XIRP2: variants seen among roughly 807,000 people sequenced by gnomAD.
The protein encoded by XIRP2 is xin actin-binding repeat-containing protein 2.
XIRP2 carries 236 observed loss-of-function variants against 277.0 expected under a neutral mutation model. The ratio of observed to expected loss-of-function variants is 0.85; its 90% CI spans 0.77 to 0.95. The LOEUF is 0.95. Ranked by LOEUF, XIRP2 falls within the 40% of genes least tolerant of loss-of-function variation. The probability of loss-of-function intolerance (pLI) is 0.00; values close to 1 mark genes in which losing one functional copy is unlikely to be tolerated. For missense variants in XIRP2, 4,640 were observed against 4,157.5 expected (o/e 1.12, Z -3.19); for synonymous variants, 1,490 against 1,416.5 (o/e 1.05, Z -1.17).
At chr2:166,899,264 A>C (rs1026899129) in intron 1 of XIRP2, among the ~76,000 whole-genome samples, 26 of 152,148 alleles carry the variant, frequency 1.7e-4, no homozygotes, top group Non-Finnish European at 7.4e-5. Context: ...GTTTGAATGA[A>C]GTATAGAAAC....
rs568016491 is a variant in XIRP2 at position 167,107,306 on chromosome 2, G to A, written c.409-28603G>A. Among the ~76,000 whole-genome samples the A allele has an allele frequency of 2.6e-5, 4 of 151,574 alleles. No individual in the cohort carries two copies. The South Asian group carries it at 8.3e-4, about 31-fold the overall frequency. ...CACAATCTTAAGGGAAAAGCATTCA[G>A]CCTTCACCAGTAAGCATAATGTTAC... On this transcript the variant is annotated intron_variant, in intron 2 of 10. Coordinates refer to ENST00000409195, the MANE Select transcript of XIRP2 (RefSeq NM_152381.6).
intron 2 of XIRP2, among the ~76,000 whole-genome samples, chr2:167,066,519 G>A (rs964857640): frequency 4.6e-5 from 7 of 152,022 alleles, no homozygotes; most frequent in Admixed American, 1.3e-4. Flanking sequence ...TACACTGCTG[G>A]TGGAAATGAA....
chr2:167,051,351 A>AT (rs1688910792), intron 2 of XIRP2, among the ~76,000 whole-genome samples: 1 of 152,130 alleles, frequency 6.6e-6, no homozygotes, highest in East Asian at 1.9e-4. Context: ...CAGATTATGC[A>AT]TTTTGCATTG....
At chr2:167,012,519 T>C (rs1466922742) in intron 2 of XIRP2, among the ~76,000 whole-genome samples, 2 of 151,784 alleles carry the variant, frequency 1.3e-5, no homozygotes, top group Middle Eastern at 3.4e-3. Context: ...CTGTTAACAT[T>C]ACACTATGTG....
intron 2 of XIRP2, among the ~76,000 whole-genome samples, chr2:166,983,369 T>A (rs1050275257): frequency 6.6e-6 from 1 of 152,166 alleles, no homozygotes; most frequent in African/African-American, 2.4e-5. Flanking sequence ...TAAGATTTAT[T>A]TCACATTAAA....
chr2:167,117,409 G>A (rs1690926531), intron 2 of XIRP2, among the ~76,000 whole-genome samples: 1 of 152,108 alleles, frequency 6.6e-6, no homozygotes. Flanking sequence ...TGACTCAAAT[G>A]CGACCTTTGT....
intron 2 of XIRP2, among the ~76,000 whole-genome samples, chr2:167,059,320 G>A (rs914437470): frequency 6.6e-6 from 1 of 151,192 alleles, no homozygotes; most frequent in East Asian, 1.9e-4. Context: ...GTTTCGCCAT[G>A]TTGGGCAGGC....
chr2:166,936,709 G>A (rs1685527633), intron 2 of XIRP2, among the ~76,000 whole-genome samples: 1 of 152,178 alleles, frequency 6.6e-6, no homozygotes, highest in Non-Finnish European at 1.5e-5. Context: ...GTTTGTCAAA[G>A]ATCAGATGGT....
chr2:167,258,625 T>C lies in XIRP2; in HGVS notation c.*808T>C, dbSNP rs1383410215. On this transcript the variant is annotated 3_prime_UTR_variant, in exon 11 of 11. Transcript: ENST00000409195. ...TTTTACAGGTTACTAACACTGATGATGAGATGATGCCAGAAAATCATAAAG... is the reference window on the plus strand; with the variant it reads ...TTTTACAGGTTACTAACACTGATGACGAGATGATGCCAGAAAATCATAAAG... 3 of 1,612,688 alleles carry C rather than the reference T, an allele frequency of 1.9e-6. No homozygotes were observed. In the African/African-American group the frequency reaches 4.0e-5, roughly 22 times the overall value.
intron 2 of XIRP2, among the ~76,000 whole-genome samples, chr2:166,959,731 T>C (rs1310197186): frequency 6.6e-6 from 1 of 151,800 alleles, no homozygotes; most frequent in Non-Finnish European, 1.5e-5. Flanking sequence ...ACCCTCATTG[T>C]ACTTTTGAGA....
In XIRP2 at chr2:167,218,264, T is replaced by C. The variant is rs760287838; in HGVS notation, c.822T>C (p.Ala274=). The part of the protein sequence containing the change: ...DEITSSRNTF[A]QYQYQHQNRS... The stretch of plus-strand genomic sequence containing the variant: ...TTACTTCTTCCCGTAATACCTTTGC[T>C]CAATACCAATATCAACATCAGAACA... Residue 274 remains alanine, a synonymous_variant, in exon 5 of 11, where the codon GCT becomes GCC. Transcript: ENST00000409195. The C allele has an allele frequency of 3.8e-5, 61 of 1,604,522 alleles. No individual in the cohort carries two copies. Among genetic ancestry groups the C allele is most frequent in the Non-Finnish European group, 2.0e-5 (24 of 1,175,632 alleles).
intron 3 of XIRP2, among the ~76,000 whole-genome samples, chr2:167,159,591 G>T (rs955019093): frequency 2.0e-5 from 3 of 152,088 alleles, no homozygotes; most frequent in Non-Finnish European, 4.4e-5. Flanking sequence ...GCACCAGGTT[G>T]TTTGGGTCCC....
intron 2 of XIRP2, among the ~76,000 whole-genome samples, chr2:166,956,470 G>A (rs527651279): frequency 6.6e-6 from 1 of 151,908 alleles, no homozygotes; most frequent in African/African-American, 2.4e-5. Flanking sequence ...GCATGTGACT[G>A]CACATGCATA....
rs912718869 is a variant in XIRP2, at chr2:166,967,775, A to G, written c.408+63885A>G. ...CATCTAACTATATAACATGGAGTGG[A>G]AAGAAATTTTATTTACATTATTCTA... On this transcript the variant is annotated intron_variant, in intron 2 of 10. Transcript: ENST00000409195. Among the ~76,000 whole-genome samples the G allele has an allele frequency of 2.0e-5, 3 of 151,986 alleles. No homozygotes were observed. The South Asian group carries it at 6.2e-4, about 31-fold the overall frequency.
chr2:167,070,568 G>C (rs1163381298), intron 2 of XIRP2, among the ~76,000 whole-genome samples: 1 of 152,104 alleles, frequency 6.6e-6, no homozygotes, highest in East Asian at 1.9e-4. Flanking sequence ...ATTTAACATT[G>C]AGATACATTG....
chr2:167,091,220 T>C (rs1026179765), intron 2 of XIRP2, among the ~76,000 whole-genome samples: 13 of 152,090 alleles, frequency 8.5e-5, no homozygotes, highest in Non-Finnish European at 1.8e-4. Flanking sequence ...AGGATGTTTG[T>C]ACCTGTGACT....
At chr2:167,176,085 A>T (rs1167893712) in intron 3 of XIRP2, among the ~76,000 whole-genome samples, 1 of 152,126 alleles carries the variant, frequency 6.6e-6, no homozygotes, top group African/African-American at 2.4e-5. Flanking sequence ...GAGCTAGACC[A>T]CTTGGCTCCC....
chr2:167,247,216 G>A lies in XIRP2; in HGVS notation c.5824G>A (p.Glu1942Lys), dbSNP rs1293440413. 3.7e-6 allele frequency: 6 copies of A among 1,613,480 alleles called. No homozygotes were observed. Among genetic ancestry groups the A allele is most frequent in the Non-Finnish European group, 5.1e-6 (6 of 1,179,824 alleles). Residue 1942 changes from glutamate to lysine, a missense_variant, in exon 9 of 11, where the codon GAA becomes AAA. Transcript: ENST00000409195. ...AAGAAGTTTCAAAGAGGTACATAAA[G>A]AAGGTGTAATAAAAAAAGATGCTAA... ...AQRSFKEVHK[E>K]GVIKKDAKAV...
chr2:167,255,692 T>A (rs1025715438), intron 10 of XIRP2, among the ~76,000 whole-genome samples: 1 of 151,842 alleles, frequency 6.6e-6, no homozygotes, highest in Non-Finnish European at 1.5e-5. Flanking sequence ...TTGCCCTTAT[T>A]TCATCTTAGT....
Sources: gnomAD v4.1 joint callset for allele counts (sites outside exome capture counted in the v4.1 genomes callset) on GRCh38, gnomAD v4.1.1 for gene constraint, MANE v1.5 for transcripts, NCBI Gene and HGNC (gene_info 2026-07-23, HGNC 2026-07-21) for gene names.